The following IKZF1 variants were observed in gnomAD, a reference collection of about 807,000 sequenced individuals.
IKZF1 encodes the protein DNA-binding protein Ikaros.
Under a neutral mutation model 51.7 loss-of-function variants are expected in IKZF1, and 10 were observed. That is an observed-to-expected ratio of 0.19 (90% CI 0.12 to 0.33). The LOEUF (loss-of-function observed/expected upper bound fraction) is 0.33, where lower values mean the gene tolerates loss of function less well. IKZF1 is among the 10% of genes least tolerant of loss of function. The pLI is 1.00. For missense variants in IKZF1, 484 were observed against 707.5 expected (o/e 0.68, Z 3.58); for synonymous variants, 280 against 282.3 (o/e 0.99, Z 0.08).
chr7:50,327,608 C>G (rs759719034), intron 2 of IKZF1, 30 bp from the exon 3 acceptor site: 9 of 1,583,584 alleles, frequency 5.7e-6, no homozygotes, highest in Middle Eastern at 1.7e-4. Context: ...CCATGACCGC[C>G]CGAGACTCAC....
At position 50,404,268 on chromosome 7, in the gene IKZF1, T is replaced by C. The variant is rs1229437234; in HGVS notation, c.*3641T>C. The C allele has an allele frequency of 4.5e-6, 1 of 221,020 alleles. No homozygotes were observed. The highest frequency in any genetic ancestry group is 9.1e-6 in the Non-Finnish European group (1 of 110,042). The allele number at this position is 221,020 out of a possible 1,614,324, so 13.7% of individuals were successfully genotyped here. A position where few individuals can be genotyped will look rare whatever the true frequency, so the allele number is the denominator to read the frequency against. On this transcript the variant is annotated 3_prime_UTR_variant, in exon 8 of 8. Coordinates refer to ENST00000331340, the MANE Select transcript of IKZF1 (RefSeq NM_006060.6). ...CTTCTGGCGAGTACATGCACAGGAT[T>C]GTAAATGAGAAATGCAGTCATATTT...
chr7:50,310,908 TG>T (rs1394556721), intron 1 of IKZF1, among the ~76,000 whole-genome samples: 2 of 152,128 alleles, frequency 1.3e-5, no homozygotes, highest in South Asian at 4.1e-4. Flanking sequence ...CCCTCGAAGG[TG>T]GGGTGATGAG....
intron 3 of IKZF1, among the ~76,000 whole-genome samples, chr7:50,348,108 C>T (rs766675305): frequency 6.6e-6 from 1 of 152,138 alleles, no homozygotes; most frequent in Non-Finnish European, 1.5e-5. Flanking sequence ...CAGGTTTTCC[C>T]GCTGATATGC....
chr7:50,392,595 G>A (rs1481343647), intron 7 of IKZF1, among the ~76,000 whole-genome samples: 1 of 152,156 alleles, frequency 6.6e-6, no homozygotes, highest in Non-Finnish European at 1.5e-5. Context: ...TTAGTAAAAT[G>A]GCTCTGCCCC....
chr7:50,323,727 T>C (rs1294190987), intron 2 of IKZF1, among the ~76,000 whole-genome samples: 3 of 152,248 alleles, frequency 2.0e-5, no homozygotes, highest in African/African-American at 7.2e-5. Context: ...TTGCATGTCA[T>C]TGTACATGTT....
intron 4 of IKZF1, among the ~76,000 whole-genome samples, chr7:50,380,189 C>T (rs1811447828): frequency 6.6e-6 from 1 of 152,200 alleles, no homozygotes; most frequent in African/African-American, 2.4e-5. Flanking sequence ...ATTGTCACTC[C>T]TGGGAATGCT....
At chr7:50,315,030 A>G (rs1428436691) in intron 1 of IKZF1, among the ~76,000 whole-genome samples, 3 of 152,240 alleles carry the variant, frequency 2.0e-5, no homozygotes, top group Admixed American at 1.3e-4. Context: ...CAGGGCCCAC[A>G]CGGCCTGGAA....
intron 7 of IKZF1, among the ~76,000 whole-genome samples, chr7:50,392,927 A>G (rs1366146514): frequency 3.3e-5 from 5 of 152,174 alleles, no homozygotes; most frequent in Admixed American, 2.0e-4. Flanking sequence ...TCAGGTACCC[A>G]TGGGGAAGCA....
chr7:50,341,286 C>T (rs1046574665), intron 3 of IKZF1, among the ~76,000 whole-genome samples: 6 of 151,910 alleles, frequency 3.9e-5, no homozygotes, highest in African/African-American at 1.2e-4. Context: ...TGGGATTACA[C>T]GCCCGCCACC....
At chr7:50,395,298 A>G (rs1585007754) in intron 7 of IKZF1, among the ~76,000 whole-genome samples, 1 of 152,234 alleles carries the variant, frequency 6.6e-6, no homozygotes, top group East Asian at 1.9e-4. Flanking sequence ...AACTTATCAT[A>G]CATGCCTTAA....
intron 3 of IKZF1, among the ~76,000 whole-genome samples, chr7:50,374,515 T>G (rs1483936708): frequency 6.6e-6 from 1 of 152,214 alleles, no homozygotes; most frequent in African/African-American, 2.4e-5. Context: ...CTTCTTCAAC[T>G]GTAAAATAGG....
At chr7:50,387,518 A>G (rs781092424) in intron 6 of IKZF1, 48 bp downstream of exon 6, 4 of 1,563,814 alleles carry the variant, frequency 2.6e-6, no homozygotes, top group Admixed American at 3.8e-5. Flanking sequence ...TCCCCCCAGC[A>G]CGGTGGGGAA....
Position 50,400,030 on chromosome 7 carries a change from C to T in IKZF1, c.963C>T (p.Tyr321=). ...AAGCCATCAACAACGCCATCAACTACCTGGGGGCCGAGTCCCTGCGCCCGC... is the reference window on the plus strand; with the variant it reads ...AAGCCATCAACAACGCCATCAACTATCTGGGGGCCGAGTCCCTGCGCCCGC... The part of the protein sequence containing the change: ...MDQAINNAIN[Y]LGAESLRPLV... The change falls in exon 8 of 8, where the codon TAC becomes TAT. Residue 321 remains tyrosine (Y), a synonymous_variant. Coordinates refer to ENST00000331340, the MANE Select transcript of IKZF1 (RefSeq NM_006060.6). This position sits in a 1 kb window ranked among gnomAD's most constrained non-coding sequence, Gnocchi z 5.4. The T allele has an allele frequency of 6.2e-7, 1 of 1,612,364 alleles. No individual in the cohort carries two copies. The highest frequency in any genetic ancestry group is 1.1e-5 in the South Asian group (1 of 90,514).
At chr7:50,314,502 TG>T (rs1790999012) in intron 1 of IKZF1, among the ~76,000 whole-genome samples, 1 of 152,360 alleles carries the variant, frequency 6.6e-6, no homozygotes, top group East Asian at 1.9e-4. Flanking sequence ...ACAGTTAATT[TG>T]GCACGCTGTG....
intron 3 of IKZF1, among the ~76,000 whole-genome samples, chr7:50,330,576 T>G (rs544884313): frequency 6.6e-6 from 1 of 152,314 alleles, no homozygotes; most frequent in Admixed American, 6.5e-5. Context: ...GAGCTGAGTT[T>G]AGAGACCACC....
intron 3 of IKZF1, among the ~76,000 whole-genome samples, chr7:50,360,458 A>G (rs1400389698): frequency 6.6e-6 from 1 of 152,216 alleles, no homozygotes; most frequent in Non-Finnish European, 1.5e-5. Context: ...CTACACCTCA[A>G]GAACGTGTGA....
At chr7:50,337,706 A>G (rs1798117393) in intron 3 of IKZF1, among the ~76,000 whole-genome samples, 1 of 152,180 alleles carries the variant, frequency 6.6e-6, no homozygotes, top group African/African-American at 2.4e-5. Flanking sequence ...AGTAGAGAGA[A>G]CTTTCAAAGT....
At chr7:50,330,867 A>G (rs1462857810) in intron 3 of IKZF1, among the ~76,000 whole-genome samples, 1 of 152,162 alleles carries the variant, frequency 6.6e-6, no homozygotes, top group Non-Finnish European at 1.5e-5. Flanking sequence ...GGAGTTGCTG[A>G]AATGCAGGGT....
In IKZF1 at chr7:50,402,480, G is replaced by A. The variant is rs963276665; in HGVS notation, c.*1853G>A. Reference sequence around the variant, plus strand: ...CCAGACATCACCAACTGTCCCCTGCGAGGAGAAATCACTCCTGGGGGAGAA... The same window carrying A: ...CCAGACATCACCAACTGTCCCCTGCAAGGAGAAATCACTCCTGGGGGAGAA... On this transcript the variant is annotated 3_prime_UTR_variant, in exon 8 of 8. Coordinates refer to ENST00000331340, the MANE Select transcript of IKZF1 (RefSeq NM_006060.6). 5 of 231,294 alleles carry A rather than the reference G, an allele frequency of 2.2e-5. No homozygotes were observed. Among genetic ancestry groups the A allele is most frequent in the East Asian group, 6.1e-5 (1 of 16,454 alleles). The allele number at this position is 231,294 out of a possible 1,614,324, so 14.3% of individuals were successfully genotyped here. A position where few individuals can be genotyped will look rare whatever the true frequency, so the allele number is the denominator to read the frequency against.
Sources: allele counts gnomAD v4.1 joint callset (sites outside exome capture counted in the v4.1 genomes callset), GRCh38; gene constraint gnomAD v4.1.1; non-coding constraint Gnocchi (gnomAD v3.1); transcripts MANE v1.5; gene names NCBI Gene and HGNC (gene_info 2026-07-23, HGNC 2026-07-21).